Variants in EGFR observed in about 807,000 individuals in gnomAD.
EGFR encodes the protein avian erythroblastic leukemia viral (v-erb-b) oncogene homolog.
In EGFR, 58 loss-of-function variants were observed where a neutral mutation model predicts 143.0. The observed-to-expected ratio is 0.41, with a 90% CI of 0.33 to 0.50. The LOEUF (loss-of-function observed/expected upper bound fraction) is 0.50. EGFR is among the 20% of genes least tolerant of loss of function. The pLI, the probability that EGFR is intolerant of heterozygous loss-of-function variation, is 0.39. For missense variants in EGFR, 1,307 were observed against 1,579.0 expected (o/e 0.83, Z 2.92); for synonymous variants, 613 against 594.4 (o/e 1.03, Z -0.45).
chr7:55,204,028 A>G (rs1212854226), intron 27 of EGFR, among the ~76,000 whole-genome samples: 2 of 151,458 alleles, frequency 1.3e-5, no homozygotes, highest in Non-Finnish European at 2.9e-5. Context: ...ATGTTAGTGT[A>G]ATATCTAATA....
At chr7:55,187,213 T>C (rs1327570939) in intron 20 of EGFR, among the ~76,000 whole-genome samples, 2 of 152,106 alleles carry the variant, frequency 1.3e-5, no homozygotes, top group African/African-American at 4.8e-5. Flanking sequence ...TCAAGGTCGC[T>C]GCAAAAGGAA....
chr7:55,041,367 C>T (rs370749277), intron 1 of EGFR, among the ~76,000 whole-genome samples: 1 of 152,048 alleles, frequency 6.6e-6, no homozygotes, highest in South Asian at 2.1e-4. Flanking sequence ...GCCGAGATCA[C>T]GCCATTGCAC....
At chr7:55,102,830 G>T (rs575134278) in intron 1 of EGFR, among the ~76,000 whole-genome samples, 7 of 152,052 alleles carry the variant, frequency 4.6e-5, no homozygotes, top group Non-Finnish European at 7.4e-5. Context: ...TGTAACTGTT[G>T]GTTGATATAC....
At chr7:55,044,044 G>A (rs921513938) in intron 1 of EGFR, 2 of 152,198 alleles carry the variant, frequency 1.3e-5, no homozygotes, top group Non-Finnish European at 2.9e-5. Context: ...AAAGGAATCA[G>A]TGGGGCCCTG....
At chr7:55,176,328 A>G (rs889521404) in intron 19 of EGFR, among the ~76,000 whole-genome samples, 9 of 152,224 alleles carry the variant, frequency 5.9e-5, no homozygotes, top group African/African-American at 2.2e-4. Flanking sequence ...AAGTGCCCCC[A>G]GGACCTTTTA....
chr7:55,075,412 T>A (rs183933927), intron 1 of EGFR, among the ~76,000 whole-genome samples: 51 of 152,300 alleles, frequency 3.3e-4, no homozygotes, highest in African/African-American at 1.1e-3. Context: ...ATATAGATAG[T>A]TTATATCTAA....
At chr7:55,070,813 G>T (rs1789779046) in intron 1 of EGFR, among the ~76,000 whole-genome samples, 1 of 152,190 alleles carries the variant, frequency 6.6e-6, no homozygotes. Context: ...AACCATTGCT[G>T]AGCTGTTAAA....
At chr7:55,166,002 A>T (rs981521735) in intron 15 of EGFR, among the ~76,000 whole-genome samples, 6 of 151,934 alleles carry the variant, frequency 3.9e-5, no homozygotes, top group South Asian at 2.1e-4. Flanking sequence ...ACATGGTGAA[A>T]CCCCACCTCT....
chr7:55,157,744 C>G lies in EGFR; in HGVS notation c.1289C>G (p.Thr430Ser), dbSNP rs765369188. 2 of 1,614,198 alleles carry G rather than the reference C, an allele frequency of 1.2e-6. No individual in the cohort carries two copies. The highest frequency in any genetic ancestry group is 1.7e-6 in the Non-Finnish European group (2 of 1,180,034). ...AACCTAGAAATCATACGCGGCAGGACCAAGCAACAGTAAGTTGACCACAGC... is the reference window on the plus strand; with the variant it reads ...AACCTAGAAATCATACGCGGCAGGAGCAAGCAACAGTAAGTTGACCACAGC... Reference protein sequence around the residue: ...FENLEIIRGRTKQHGQFSLAV... With the variant: ...FENLEIIRGRSKQHGQFSLAV... Residue 430 changes from threonine to serine, a missense_variant, in exon 11 of 28, where the codon ACC becomes AGC. Transcript: ENST00000275493.
intron 1 of EGFR, among the ~76,000 whole-genome samples, chr7:55,095,576 G>T (rs1562709649): frequency 6.6e-6 from 1 of 152,080 alleles, no homozygotes; most frequent in Non-Finnish European, 1.5e-5. Flanking sequence ...TGCAATGAGA[G>T]AATTAATTAT....
Position 55,156,842 on chromosome 7 carries a change from G to T in EGFR, c.1207+10G>T, listed in dbSNP as rs776101904. The T allele has an allele frequency of 6.2e-7, 1 of 1,614,214 alleles. No homozygotes were observed. The highest frequency in any genetic ancestry group is 1.1e-5 in the South Asian group (1 of 91,076). ...GTAAAGGAAATCACAGGTTTGAGCT[G>T]AATTATCACATGAATATAAATGGGA... On this transcript the variant is annotated intron_variant, in intron 10 of 27. Transcript: ENST00000275493.
intron 1 of EGFR, among the ~76,000 whole-genome samples, chr7:55,090,215 C>T (rs1791027635): frequency 6.6e-6 from 1 of 152,180 alleles, no homozygotes; most frequent in Non-Finnish European, 1.5e-5. Flanking sequence ...GATCCACCCA[C>T]CTCGGCTTCC....
At chr7:55,181,599 A>C (rs2128959176) in intron 20 of EGFR, 121 bp downstream of exon 20, 1 of 1,153,528 alleles carries the variant, frequency 8.7e-7, no homozygotes, top group African/African-American at 1.5e-5. Context: ...CATGCAGCAC[A>C]CACACATTCC....
chr7:55,166,415 C>A, intron 15 of EGFR: 1 of 512,790 alleles, frequency 2.0e-6, no homozygotes, highest in South Asian at 1.6e-5. Flanking sequence ...GTCTTACCTT[C>A]TCTGTGCCTC....
At chr7:55,194,083 G>C (rs577641191) in intron 22 of EGFR, among the ~76,000 whole-genome samples, 11 of 152,160 alleles carry the variant, frequency 7.2e-5, no homozygotes, top group African/African-American at 2.7e-4. Context: ...GGAACTGCAG[G>C]GTCCTGCCCC....
Position 55,204,640 on chromosome 7 carries a change from A to T in EGFR, c.3272-616A>T, listed in dbSNP as rs1396864025. Among the ~76,000 whole-genome samples, 4 of 86,640 alleles carry T rather than the reference A, an allele frequency of 4.6e-5. No individual in the cohort carries two copies. In the East Asian group the frequency reaches 8.0e-4, roughly 17 times the overall value. The allele number at this position is 86,640 out of a possible 152,430, so 56.8% of individuals were successfully genotyped here. On this transcript the variant is annotated intron_variant, in intron 27 of 27. Coordinates refer to ENST00000275493, the MANE Select transcript of EGFR (RefSeq NM_005228.5). Reference sequence around the variant, plus strand: ...CACACACCACAGACACACACCACACATACATACACATACACACACCACACA... The same window carrying T: ...CACACACCACAGACACACACCACACTTACATACACATACACACACCACACA...
At chr7:55,162,253 A>G (rs1328966066) in intron 13 of EGFR, among the ~76,000 whole-genome samples, 2 of 152,264 alleles carry the variant, frequency 1.3e-5, no homozygotes, top group African/African-American at 4.8e-5. Flanking sequence ...ATAAATAGGA[A>G]AGTAAAACTG....
intron 1 of EGFR, among the ~76,000 whole-genome samples, chr7:55,103,039 G>C (rs1273543995): frequency 6.6e-6 from 1 of 152,224 alleles, no homozygotes; most frequent in Non-Finnish European, 1.5e-5. Flanking sequence ...AGTTTGGGGA[G>C]TTTGGGAAGA....
chr7:55,104,086 A>G lies in EGFR; in HGVS notation c.89-38200A>G, dbSNP rs78951454. Among the ~76,000 whole-genome samples, 76 of 152,336 alleles carry G rather than the reference A, an allele frequency of 5.0e-4. No homozygotes were observed. In the East Asian group the frequency reaches 0.013, roughly 27 times the overall value. ...TAAAGGGCGTGTGCCTGTTTTGTCTAGAAGCAGTGTTGGGCAGCACTGAGT... is the reference window on the plus strand; with the variant it reads ...TAAAGGGCGTGTGCCTGTTTTGTCTGGAAGCAGTGTTGGGCAGCACTGAGT... On this transcript the variant is annotated intron_variant, in intron 1 of 27. Coordinates refer to ENST00000275493, the MANE Select transcript of EGFR (RefSeq NM_005228.5).
Sources: allele counts gnomAD v4.1 joint callset (sites outside exome capture counted in the v4.1 genomes callset), GRCh38; gene constraint gnomAD v4.1.1; transcripts MANE v1.5; gene names NCBI Gene and HGNC (gene_info 2026-07-23, HGNC 2026-07-21).